Variants in MEI4 observed in about 807,000 individuals in gnomAD.
MEI4 encodes the protein meiosis-specific protein MEI4.
MEI4 carries 27 observed loss-of-function variants against 31.4 expected under a neutral mutation model. The ratio of observed to expected loss-of-function variants is 0.86; its 90% confidence interval spans 0.63 to 1.19. MEI4 has a LOEUF of 1.19. MEI4 is among the 50% of genes most tolerant of loss of function. The probability of loss-of-function intolerance (pLI) is 0.00; values close to 1 mark genes in which losing one functional copy is unlikely to be tolerated. For synonymous variants in MEI4, 122 were observed against 145.4 expected (o/e 0.84, Z 1.16); for missense variants, 329 against 398.9 (o/e 0.82, Z 1.49).
chr6:77,700,233 T>G (rs889999308), intron 2 of MEI4, among the ~76,000 whole-genome samples: 5 of 152,208 alleles, frequency 3.3e-5, no homozygotes, highest in African/African-American at 4.8e-5. Context: ...TGAGCTGTGG[T>G]GGGCTCCACC....
intron 3 of MEI4, among the ~76,000 whole-genome samples, chr6:77,826,378 A>C (rs1308877687): frequency 2.6e-5 from 4 of 152,190 alleles, no homozygotes; most frequent in African/African-American, 9.7e-5. Flanking sequence ...AGAGTAGGCT[A>C]CAGACTCCAT....
At chr6:77,698,437 T>C (rs1766115639) in intron 2 of MEI4, among the ~76,000 whole-genome samples, 1 of 152,212 alleles carries the variant, frequency 6.6e-6, no homozygotes, top group Non-Finnish European at 1.5e-5. Context: ...AGTGCTTCCT[T>C]CAGGAGCTCT....
upstream of MEI4, among the ~76,000 whole-genome samples, chr6:77,650,642 G>A (rs1240747257): frequency 6.6e-6 from 1 of 152,230 alleles, no homozygotes; most frequent in Non-Finnish European, 1.5e-5. Context: ...CTGGCTTTCT[G>A]TGCCTGTGGA....
At chr6:77,878,040 A>C (rs1358699924) in intron 4 of MEI4, among the ~76,000 whole-genome samples, 1 of 152,076 alleles carries the variant, frequency 6.6e-6, no homozygotes, top group African/African-American at 2.4e-5. Flanking sequence ...AATTCAGCCA[A>C]TTAGTAATAT....
intron 4 of MEI4, among the ~76,000 whole-genome samples, chr6:77,872,593 A>G (rs952599420): frequency 4.0e-5 from 6 of 151,596 alleles, no homozygotes; most frequent in African/African-American, 1.2e-4. Flanking sequence ...TTTTATTATT[A>G]TTATACTTTA....
In MEI4 at chr6:77,697,727, A is replaced by G. The variant is rs531334533; in HGVS notation, c.232+6824A>G. Among the ~76,000 whole-genome samples the G allele has an allele frequency of 2.6e-5, 4 of 152,098 alleles. No homozygotes were observed. The South Asian group carries it at 6.2e-4, about 24-fold the overall frequency. On this transcript the variant is annotated intron_variant, in intron 2 of 4. Coordinates refer to ENST00000684080, the MANE Select transcript of MEI4 (RefSeq NM_001322247.2). ...TGGAACAGGTGTGGTGTGGTGCTGAAAAAAGTATATATTCTGTTGATTTGG... is the reference window on the plus strand; with the variant it reads ...TGGAACAGGTGTGGTGTGGTGCTGAGAAAAGTATATATTCTGTTGATTTGG...
chr6:77,720,642 A>C (rs1453789990), intron 2 of MEI4, among the ~76,000 whole-genome samples: 1 of 126,158 alleles, frequency 7.9e-6, no homozygotes, highest in South Asian at 2.5e-4. Flanking sequence ...AATGTTGTAC[A>C]ATATCTTTTG....
chr6:77,715,322 A>G (rs1406506348), intron 2 of MEI4, among the ~76,000 whole-genome samples: 1 of 152,194 alleles, frequency 6.6e-6, no homozygotes, highest in Admixed American at 6.5e-5. Context: ...AGTTATAAAA[A>G]CCAGAAAACC....
At chr6:77,672,712 G>A (rs1768768543) in intron 1 of MEI4, among the ~76,000 whole-genome samples, 1 of 152,110 alleles carries the variant, frequency 6.6e-6, no homozygotes. Flanking sequence ...GCTAATTTTT[G>A]TATTTTTAGT....
intron 2 of MEI4, among the ~76,000 whole-genome samples, chr6:77,726,366 AG>A (rs1219309721): frequency 6.6e-6 from 1 of 152,134 alleles, no homozygotes; most frequent in Non-Finnish European, 1.5e-5. Context: ...TTTTCCCCAC[AG>A]CATATATATG....
chr6:77,794,316 C>T (rs1276305840), intron 3 of MEI4, among the ~76,000 whole-genome samples: 1 of 152,288 alleles, frequency 6.6e-6, no homozygotes, highest in African/African-American at 2.4e-5. Flanking sequence ...GTAATCCCAG[C>T]ACTTTGGGAG....
chr6:77,892,247 TG>T (rs1245354262), intron 4 of MEI4, among the ~76,000 whole-genome samples: 2 of 151,008 alleles, frequency 1.3e-5, no homozygotes. Context: ...CCAGCAGCAG[TG>T]GTGGTAAAGG....
intron 4 of MEI4, among the ~76,000 whole-genome samples, chr6:77,907,717 C>T (rs1766331126): frequency 1.3e-5 from 2 of 151,914 alleles, no homozygotes; most frequent in South Asian, 2.1e-4. Context: ...CTAGAACTGA[C>T]TTCCACACTG....
At chr6:77,868,528 T>TATATATATATATATATATATATATA (rs1771115144) in intron 4 of MEI4, among the ~76,000 whole-genome samples, 1 of 139,092 alleles carries the variant, frequency 7.2e-6, no homozygotes, top group African/African-American at 2.6e-5. Context: ...TATATATATA[T>TATATATATATATATATATATATATA]GCAGATTTCA....
chr6:77,903,896 T>G (rs1766238451), intron 4 of MEI4, among the ~76,000 whole-genome samples: 1 of 152,174 alleles, frequency 6.6e-6, no homozygotes, highest in African/African-American at 2.4e-5. Context: ...TTTTCATTTA[T>G]TTGGAATATC....
At chr6:77,738,863 A>G (rs1430786951) in intron 2 of MEI4, among the ~76,000 whole-genome samples, 2 of 152,172 alleles carry the variant, frequency 1.3e-5, no homozygotes, top group South Asian at 2.1e-4. Context: ...TTTTTCTCAT[A>G]TGTTTCTTGG....
intron 3 of MEI4, among the ~76,000 whole-genome samples, chr6:77,808,985 C>T (rs1769508310): frequency 6.6e-6 from 1 of 152,176 alleles, no homozygotes; most frequent in South Asian, 2.1e-4. Flanking sequence ...GAGGCAATGT[C>T]TGAAGGAGCT....
In MEI4 at chr6:77,872,120, G is replaced by A. The variant is rs72900527; in HGVS notation, c.900+43058G>A. On this transcript the variant is annotated intron_variant, in intron 4 of 4. Transcript: ENST00000684080. ...AATATTTCTTCAGCTCCCTTAAATC[G>A]TGTGCAGTGTTCCCAGGCCACCGTT... is the stretch of plus-strand genomic sequence containing the variant. Among the ~76,000 whole-genome samples the A allele has an allele frequency of 2.7e-3, 404 of 152,196 alleles. 2 individuals are homozygous for A. Among genetic ancestry groups the A allele is most frequent in the Non-Finnish European group, 4.3e-3 (294 of 68,004 alleles).
intron 4 of MEI4, among the ~76,000 whole-genome samples, chr6:77,904,357 G>A (rs979587091): frequency 5.3e-5 from 8 of 151,858 alleles, no homozygotes; most frequent in African/African-American, 9.7e-5. Context: ...AGTTTATTAC[G>A]TGGGTAAATT....
Sources: gnomAD v4.1 joint callset for allele counts (sites outside exome capture counted in the v4.1 genomes callset) on GRCh38, gnomAD v4.1.1 for gene constraint, MANE v1.5 for transcripts, NCBI Gene and HGNC (gene_info 2026-07-23, HGNC 2026-07-21) for gene names.